Variants in LIMA1 observed in about 807,000 individuals in gnomAD.
LIMA1 encodes the protein LIM domain and actin-binding protein 1.
LIMA1 carries 52 observed loss-of-function variants against 62.6 expected under a neutral mutation model. The ratio of observed to expected loss-of-function variants is 0.83; its 90% CI spans 0.67 to 1.05. The LOEUF is 1.05. LIMA1 is among the 50% of genes least tolerant of loss of function. The pLI is 0.00. For missense variants in LIMA1, 780 were observed against 902.2 expected (o/e 0.86, Z 1.74); for synonymous variants, 302 against 317.8 (o/e 0.95, Z 0.53).
intron 1 of LIMA1, among the ~76,000 whole-genome samples, chr12:50,262,553 C>T (rs1047752230): frequency 3.3e-4 from 50 of 151,668 alleles, no homozygotes; most frequent in African/African-American, 1.0e-3. Flanking sequence ...GAGACAGGAC[C>T]GCTTAAGGTC....
At chr12:50,237,912 C>T (rs1941719290) in intron 2 of LIMA1, among the ~76,000 whole-genome samples, 1 of 151,980 alleles carries the variant, frequency 6.6e-6, no homozygotes, top group African/African-American at 2.4e-5. Flanking sequence ...AATTGGACTA[C>T]CATATACAAA....
intron 1 of LIMA1, among the ~76,000 whole-genome samples, chr12:50,260,147 CTTTT>C (rs869151267): frequency 2.2e-5 from 3 of 135,286 alleles, no homozygotes; most frequent in African/African-American, 5.4e-5. Flanking sequence ...CCTAGAGTTT[CTTTT>C]TTTTTTTTTT....
chr12:50,207,817 G>C (rs967187056), intron 4 of LIMA1, among the ~76,000 whole-genome samples: 3 of 151,642 alleles, frequency 2.0e-5, no homozygotes, highest in African/African-American at 4.9e-5. Flanking sequence ...TTGAACCAGG[G>C]GGGCAGAGGT....
At chr12:50,257,280 A>T (rs1184052364) in intron 1 of LIMA1, among the ~76,000 whole-genome samples, 7 of 152,208 alleles carry the variant, frequency 4.6e-5, no homozygotes. Context: ...AACCATTTAC[A>T]TAGAGATGAA....
intron 9 of LIMA1, 172 bp from the exon 10 acceptor site, chr12:50,182,209 CTCT>C: frequency 3.2e-6 from 2 of 630,530 alleles, no homozygotes; most frequent in Non-Finnish European, 5.3e-6. Flanking sequence ...CCAAGAGGCT[CTCT>C]TGATATTCCC....
intron 8 of LIMA1, among the ~76,000 whole-genome samples, chr12:50,193,930 T>G (rs1940865312): frequency 6.7e-6 from 1 of 149,664 alleles, no homozygotes; most frequent in South Asian, 2.1e-4. Flanking sequence ...CCTCACGAAG[T>G]GCTGGGATTA....
chr12:50,239,427 C>T (rs1293119400), intron 2 of LIMA1, among the ~76,000 whole-genome samples: 1 of 152,084 alleles, frequency 6.6e-6, no homozygotes, highest in African/African-American at 2.4e-5. Flanking sequence ...TCACTTGAGG[C>T]CAGGAGTTAA....
intron 2 of LIMA1, among the ~76,000 whole-genome samples, chr12:50,242,348 A>G (rs1400584727): frequency 6.6e-6 from 1 of 151,916 alleles, no homozygotes; most frequent in Non-Finnish European, 1.5e-5. Context: ...AAAACTAAAT[A>G]TGAACGCTCT....
chr12:50,270,707 T>C (rs1176281160), intron 1 of LIMA1, among the ~76,000 whole-genome samples: 1 of 152,118 alleles, frequency 6.6e-6, no homozygotes, highest in Non-Finnish European at 1.5e-5. Context: ...GTGAATATCT[T>C]ATCTTCTTGT....
intron 1 of LIMA1, among the ~76,000 whole-genome samples, chr12:50,270,603 TCAAAAAAAAAAAAAAAAA>T (rs965516905): frequency 2.3e-4 from 11 of 47,652 alleles, no homozygotes; most frequent in African/African-American, 1.0e-3. Flanking sequence ...AGACCTTATC[TCAAAAAAAAAAAAAAAAA>T]AAAAAAAAGA....
chr12:50,276,422 T>C (rs116612581), intron 1 of LIMA1, among the ~76,000 whole-genome samples: 1,617 of 152,286 alleles, frequency 0.011, 26 homozygotes, highest in African/African-American at 0.035. Flanking sequence ...ATTAAACATA[T>C]TGGTTTGGTA....
At chr12:50,222,634 T>C (rs936421986) in intron 3 of LIMA1, 149 bp from the exon 4 acceptor site, 39 of 1,532,874 alleles carry the variant, frequency 2.5e-5, no homozygotes, top group Admixed American at 5.9e-5. Context: ...CCTTGCCACA[T>C]GGAGAAAGCA....
At chr12:50,178,962 A>ATT (rs1168217018) in intron 10 of LIMA1, among the ~76,000 whole-genome samples, 152 of 95,516 alleles carry the variant, frequency 1.6e-3, no homozygotes, top group African/African-American at 5.3e-3. Flanking sequence ...ATATATATAT[A>ATT]TATATTTTTT....
At chr12:50,257,031 C>G (rs1020239291) in intron 1 of LIMA1, among the ~76,000 whole-genome samples, 5 of 152,056 alleles carry the variant, frequency 3.3e-5, no homozygotes, top group African/African-American at 1.2e-4. Context: ...TTTGTTTTCC[C>G]TTTGTAATTC....
At chr12:50,272,278 T>C (rs1352522493) in intron 1 of LIMA1, among the ~76,000 whole-genome samples, 1 of 151,812 alleles carries the variant, frequency 6.6e-6, no homozygotes, top group Non-Finnish European at 1.5e-5. Context: ...GGCAAGTTCT[T>C]TAATCCTTCC....
intron 1 of LIMA1, among the ~76,000 whole-genome samples, chr12:50,265,009 C>T (rs957241973): frequency 2.0e-5 from 3 of 151,762 alleles, no homozygotes; most frequent in East Asian, 3.9e-4. Flanking sequence ...AATAATTAGC[C>T]GGGTGTGGTG....
chr12:50,275,478 C>G (rs1942265523), intron 1 of LIMA1, among the ~76,000 whole-genome samples: 1 of 151,772 alleles, frequency 6.6e-6, no homozygotes, highest in Non-Finnish European at 1.5e-5. Context: ...TACAAGGAAG[C>G]AATAATTTAT....
intron 6 of LIMA1, among the ~76,000 whole-genome samples, chr12:50,203,051 C>T (rs1461534303): frequency 2.0e-5 from 3 of 150,206 alleles, no homozygotes; most frequent in African/African-American, 7.4e-5. Context: ...ACCCTGTCAC[C>T]CAGGCTGGAG....
rs71083524 is a variant in LIMA1 at position 50,261,042 on chromosome 12, A to ATTTTTTTTTTTTTTTTTTTTT, written c.-23-12289_-23-12269dup. Among the ~76,000 whole-genome samples the ATTTTTTTTTTTTTTTTTTTTT allele has an allele frequency of 7.4e-5, 4 of 54,296 alleles. 1 individual carries two copies. Among genetic ancestry groups the ATTTTTTTTTTTTTTTTTTTTT allele is most frequent in the East Asian group, 1.1e-3 (1 of 878 alleles). The allele number at this position is 54,296 out of a possible 152,430, so 35.6% of individuals were successfully genotyped here. ...CTTTTGCTTTTCTGCCATCTAGTATATTTTTTTTTTTTTTTTTTTTTTTTT... is the reference window on the plus strand; with the variant it reads ...CTTTTGCTTTTCTGCCATCTAGTATATTTTTTTTTTTTTTTTTTTTTTTTTTTTTTTTTTTTTTTTTTTTTT... On this transcript the variant is annotated intron_variant, in intron 1 of 10. Coordinates refer to ENST00000341247, the MANE Select transcript of LIMA1 (RefSeq NM_016357.5).
Sources: gnomAD v4.1 joint callset for allele counts (sites outside exome capture counted in the v4.1 genomes callset) on GRCh38, gnomAD v4.1.1 for gene constraint, MANE v1.5 for transcripts, NCBI Gene and HGNC (gene_info 2026-07-23, HGNC 2026-07-21) for gene names.